RAD52: variants seen among roughly 807,000 people sequenced by gnomAD.
The protein encoded by RAD52 is DNA repair protein RAD52 homolog.
RAD52 carries 47 observed loss-of-function variants against 55.5 expected under a neutral mutation model. The ratio of observed to expected loss-of-function variants is 0.85; its 90% CI spans 0.67 to 1.08. RAD52 has a LOEUF of 1.08. Among genes scored for constraint, RAD52 ranks in the 50% least tolerant of loss-of-function variants. The pLI is 0.00. For synonymous variants in RAD52, 184 were observed against 198.9 expected (o/e 0.92, Z 0.63); for missense variants, 468 against 522.8 (o/e 0.90, Z 1.02).
chr12:975,223 C>T (rs970239387), intron 1 of RAD52: 1 of 143,858 alleles, frequency 7.0e-6, no homozygotes, highest in East Asian at 2.0e-4. Flanking sequence ...CCTGGAACTA[C>T]TGTAGATAGT....
chr12:913,203 G>A lies in RAD52; in HGVS notation c.*188C>T. ...CTCTCCCTACTAGAGTGATGGACAA[G>A]CTTTTCAAAAGTGCTCAGCTCTAAC... On this transcript the variant is annotated 3_prime_UTR_variant, in exon 12 of 12. Transcript: ENST00000358495. 1.6e-6 allele frequency: 1 copy of A among 609,472 alleles called. No homozygotes were observed. The allele number at this position is 609,472 out of a possible 1,614,324, so 37.8% of individuals were successfully genotyped here.
chr12:913,145 A>C lies in RAD52; in HGVS notation c.*246T>G. The C allele has an allele frequency of 2.4e-6, 1 of 422,176 alleles. No homozygotes were observed. The highest frequency in any genetic ancestry group is 4.2e-6 in the Non-Finnish European group (1 of 239,470). 26.2% of individuals were successfully genotyped at this position (422,176 alleles called of 1,614,324 possible). A position where few individuals can be genotyped will look rare whatever the true frequency, so the allele number is the denominator to read the frequency against. ...AGTAATAAATAGTGGGAAGCCTCAC[A>C]AGCCGAAGAAAAGGTATTCATCTGT... On this transcript the variant is annotated 3_prime_UTR_variant, in exon 12 of 12. Coordinates refer to ENST00000358495, the MANE Select transcript of RAD52 (RefSeq NM_134424.4).
intron 7 of RAD52, among the ~76,000 whole-genome samples, 169 bp downstream of exon 7, chr12:925,281 T>C (rs1956971407): frequency 6.6e-6 from 1 of 152,108 alleles, no homozygotes; most frequent in African/African-American, 2.4e-5. Context: ...AAGGAAAATG[T>C]TGGGATTAGT....
rs1210810731 is a variant in RAD52, at chr12:920,073, C to T, written c.544-3253G>A. ...TGTCTCAAAAAAAAAAAAAATTAGCCGGGCATGGTAGCACGCACCTGTAGT... is the reference window on the plus strand; with the variant it reads ...TGTCTCAAAAAAAAAAAAAATTAGCTGGGCATGGTAGCACGCACCTGTAGT... On this transcript the variant is annotated intron_variant, in intron 7 of 11. Transcript: ENST00000358495. Among the ~76,000 whole-genome samples, 10 of 113,888 alleles carry T rather than the reference C, an allele frequency of 8.8e-5. 4 individuals are homozygous for T. Among genetic ancestry groups the T allele is most frequent in the African/African-American group, 2.6e-4 (7 of 27,142 alleles). 74.7% of individuals were successfully genotyped at this position (113,888 alleles called of 152,430 possible). A position where few individuals can be genotyped will look rare whatever the true frequency, so the allele number is the denominator to read the frequency against.
intron 1 of RAD52, among the ~76,000 whole-genome samples, chr12:977,317 G>A (rs1478375036): frequency 6.6e-6 from 1 of 152,214 alleles, no homozygotes; most frequent in Non-Finnish European, 1.5e-5. Context: ...GTGCCATACT[G>A]AAGTTACGTG....
upstream of RAD52, among the ~76,000 whole-genome samples, chr12:954,091 A>T (rs1363205203): frequency 1.3e-5 from 2 of 152,184 alleles, no homozygotes; most frequent in Non-Finnish European, 2.9e-5. Context: ...CTGATTACTA[A>T]TGATTTTAAG....
rs746245343 is a variant in RAD52, at chr12:925,462, C to T, written c.531G>A (p.Lys177=). The part of the protein sequence containing the change: ...LDKDYLRSLN[K]LPRQLPLEVD... ...ATGTCTGATATACCTGGCGTGGAAG[C>T]TTATTTAGTGATCTCAGGTAGTCTT... is the stretch of plus-strand genomic sequence containing the variant. Residue 177 remains lysine, a synonymous_variant, in exon 7 of 12, where the codon AAG becomes AAA. Transcript: ENST00000358495. The T allele has an allele frequency of 8.7e-6, 14 of 1,613,746 alleles. No homozygotes were observed. The highest frequency in any genetic ancestry group is 1.2e-5 in the Non-Finnish European group (14 of 1,179,698).
At position 912,151 on chromosome 12, in the gene RAD52, G is replaced by C. The variant is rs1956125407; in HGVS notation, c.*1240C>G. On this transcript the variant is annotated 3_prime_UTR_variant, in exon 12 of 12. Transcript: ENST00000358495. ...ATCTCACACCTGAAATGGGGAAGTA[G>C]AAACAGTTGCGTTTGAGCATCCCTA... The C allele has an allele frequency of 5.0e-6, 1 of 198,348 alleles. No homozygotes were observed. The highest frequency in any genetic ancestry group is 7.8e-5 in the East Asian group (1 of 12,830). The allele number at this position is 198,348 out of a possible 1,614,324, so 12.3% of individuals were successfully genotyped here. A position where few individuals can be genotyped will look rare whatever the true frequency, so the allele number is the denominator to read the frequency against.
At chr12:936,234 G>A (rs1321981779) in intron 1 of RAD52, among the ~76,000 whole-genome samples, 1 of 151,926 alleles carries the variant, frequency 6.6e-6, no homozygotes, top group Non-Finnish European at 1.5e-5. Context: ...TACCCGGGAG[G>A]CGGAGGTTGC....
intron 5 of RAD52, among the ~76,000 whole-genome samples, chr12:927,796 G>A (rs1957119891): frequency 6.6e-6 from 1 of 152,030 alleles, no homozygotes; most frequent in Non-Finnish European, 1.5e-5. Context: ...AACCTGGGAG[G>A]CAGAGGTTGC....
At chr12:947,710 A>G (rs1412448292) in intron 1 of RAD52, among the ~76,000 whole-genome samples, 1 of 151,136 alleles carries the variant, frequency 6.6e-6, no homozygotes, top group Admixed American at 6.6e-5. Context: ...AACATGGTGA[A>G]ACCCTGTCTC....
At chr12:938,425 G>A (rs1444308852) in intron 1 of RAD52, among the ~76,000 whole-genome samples, 1 of 152,226 alleles carries the variant, frequency 6.6e-6, no homozygotes, top group Non-Finnish European at 1.5e-5. Context: ...GCCCACGCCT[G>A]TAATCCCAGC....
chr12:956,662 T>C (rs1958610667), intron 1 of RAD52, among the ~76,000 whole-genome samples: 1 of 152,190 alleles, frequency 6.6e-6, no homozygotes, highest in Non-Finnish European at 1.5e-5. Flanking sequence ...TCTTCCTGCC[T>C]CAGCCTCCCA....
chr12:931,961 A>G (rs1005823157), intron 2 of RAD52, among the ~76,000 whole-genome samples: 5 of 152,206 alleles, frequency 3.3e-5, no homozygotes, highest in Admixed American at 6.5e-5. Flanking sequence ...ACTCTCTGCT[A>G]AAGACAAAGA....
intron 1 of RAD52, among the ~76,000 whole-genome samples, chr12:960,591 T>C (rs1347642049): frequency 6.6e-6 from 1 of 152,178 alleles, no homozygotes; most frequent in African/African-American, 2.4e-5. Context: ...GCCTTCTGAG[T>C]AGCTGGGACT....
At chr12:916,266 G>C (rs202015311) in intron 9 of RAD52, 78 bp downstream of exon 9, 17 of 1,569,186 alleles carry the variant, frequency 1.1e-5, no homozygotes, top group Non-Finnish European at 1.4e-5. Context: ...CAGGGTTACC[G>C]CAGAGAATCA....
At chr12:979,730 C>T (rs2154121749) in intron 1 of RAD52, among the ~76,000 whole-genome samples, 1 of 152,216 alleles carries the variant, frequency 6.6e-6, no homozygotes, top group African/African-American at 2.4e-5. Flanking sequence ...GTTATTTAAG[C>T]CACCCACTTT....
In RAD52 at chr12:931,775, G is replaced by A. The variant is rs191891849; in HGVS notation, c.85-454C>T. Reference sequence around the variant, plus strand: ...AGATCTGTAAATGACGTCAGCACAGGAAGCAAGTACGGAAAGAGCACGGGG... The same window carrying A: ...AGATCTGTAAATGACGTCAGCACAGAAAGCAAGTACGGAAAGAGCACGGGG... On this transcript the variant is annotated intron_variant, in intron 2 of 11. Transcript: ENST00000358495. Among the ~76,000 whole-genome samples the A allele has an allele frequency of 3.2e-3, 487 of 152,284 alleles. 7 individuals are homozygous for A. The highest frequency in any genetic ancestry group is 2.9e-3 in the East Asian group (15 of 5,186).
chr12:922,707 AT>A (rs1956803532), intron 7 of RAD52, among the ~76,000 whole-genome samples: 3 of 150,602 alleles, frequency 2.0e-5, no homozygotes, highest in Admixed American at 2.0e-4. Context: ...GTAGACACAT[AT>A]ACCTATAATC....
Sources: gnomAD v4.1 joint callset for allele counts (sites outside exome capture counted in the v4.1 genomes callset) on GRCh38, gnomAD v4.1.1 for gene constraint, MANE v1.5 for transcripts, NCBI Gene and HGNC (gene_info 2026-07-23, HGNC 2026-07-21) for gene names.